The following KAZN variants were observed in gnomAD, a reference collection of about 807,000 sequenced individuals.
KAZN encodes the protein kazrin.
In KAZN, 40 loss-of-function variants were observed where a neutral mutation model predicts 87.4. The ratio of observed to expected loss-of-function variants is 0.46; its 90% CI spans 0.36 to 0.60. The LOEUF (loss-of-function observed/expected upper bound fraction) is 0.60, where lower values mean the gene tolerates loss of function less well. KAZN is among the 20% of genes least tolerant of loss of function. KAZN has a pLI of 0.00. For synonymous variants in KAZN, 466 were observed against 458.3 expected (o/e 1.02, Z -0.22); for missense variants, 898 against 1,073.9 (o/e 0.84, Z 2.29).
intron 1 of KAZN, among the ~76,000 whole-genome samples, chr1:14,152,543 G>A (rs779864092): frequency 5.3e-5 from 8 of 152,156 alleles, no homozygotes; most frequent in Admixed American, 2.0e-4. Context: ...TGGCTAACTC[G>A]TACTCCATTG....
intron 2 of KAZN, among the ~76,000 whole-genome samples, chr1:14,378,019 G>A (rs925440576): frequency 1.3e-5 from 2 of 152,144 alleles, no homozygotes; most frequent in Admixed American, 1.3e-4. Flanking sequence ...CATTGCTGGA[G>A]CCAGAATTTT....
At chr1:14,681,804 C>G (rs1221713565) in intron 1 of KAZN, among the ~76,000 whole-genome samples, 1 of 147,900 alleles carries the variant, frequency 6.8e-6, no homozygotes, top group Non-Finnish European at 1.5e-5. Flanking sequence ...CATTCTCCTG[C>G]CTCAGCATCC....
intron 1 of KAZN, among the ~76,000 whole-genome samples, chr1:14,625,972 G>A (rs1679112949): frequency 6.6e-6 from 1 of 152,216 alleles, no homozygotes; most frequent in Non-Finnish European, 1.5e-5. Flanking sequence ...ACGGGATTCT[G>A]AGGGATATTT....
At chr1:14,292,351 C>T (rs1653772829) in intron 2 of KAZN, among the ~76,000 whole-genome samples, 1 of 152,166 alleles carries the variant, frequency 6.6e-6, no homozygotes. Flanking sequence ...GCTGTGTGGT[C>T]CCCTGGAGGG....
intron 13 of KAZN, among the ~76,000 whole-genome samples, chr1:15,108,408 T>C (rs1641371678): frequency 6.6e-6 from 1 of 152,218 alleles, no homozygotes; most frequent in Non-Finnish European, 1.5e-5. Context: ...TTCTGGCTCC[T>C]CCGCCATCAT....
At chr1:14,624,385 G>A (rs1678941598) in intron 1 of KAZN, among the ~76,000 whole-genome samples, 1 of 150,692 alleles carries the variant, frequency 6.6e-6, no homozygotes, top group African/African-American at 2.5e-5. Flanking sequence ...TCGCGCCACT[G>A]CACTCCAGCC....
At chr1:14,140,719 C>G (rs980838340) in intron 1 of KAZN, among the ~76,000 whole-genome samples, 3 of 152,128 alleles carry the variant, frequency 2.0e-5, no homozygotes, top group South Asian at 2.1e-4. Flanking sequence ...CTGCCTCCCC[C>G]ACGAACCCCG....
At chr1:14,979,096 C>G (rs116687735) in intron 2 of KAZN, among the ~76,000 whole-genome samples, 27,519 of 151,694 alleles carry the variant, frequency 0.18, 2,743 homozygotes, top group African/African-American at 0.24. Flanking sequence ...GTACAGACAG[C>G]GTTCACCATG....
chr1:14,955,294 G>A (rs975345535), intron 1 of KAZN, among the ~76,000 whole-genome samples: 21 of 152,246 alleles, frequency 1.4e-4, no homozygotes, highest in African/African-American at 3.6e-4. Context: ...AGCGCTTTAC[G>A]CATGTCTTAT....
At chr1:14,762,617 C>T (rs957076735) in intron 1 of KAZN, among the ~76,000 whole-genome samples, 4 of 151,740 alleles carry the variant, frequency 2.6e-5, no homozygotes, top group South Asian at 2.1e-4. Context: ...CCCAGCTACT[C>T]GGGAGGCTGA....
At chr1:14,155,375 CA>C (rs1313026325) in intron 1 of KAZN, among the ~76,000 whole-genome samples, 1 of 152,122 alleles carries the variant, frequency 6.6e-6, no homozygotes, top group African/African-American at 2.4e-5. Flanking sequence ...TCAGTTGTAA[CA>C]TCTCCTTTTT....
intron 2 of KAZN, among the ~76,000 whole-genome samples, chr1:14,299,742 G>A (rs1654400484): frequency 1.3e-5 from 2 of 152,182 alleles, no homozygotes; most frequent in African/African-American, 2.4e-5. Flanking sequence ...ATTAGCAGGA[G>A]TTCAAGAAGG....
rs528704176 is a variant in KAZN at position 14,318,043 on chromosome 1, T to C, written c.249+137451T>C. Among the ~76,000 whole-genome samples the C allele has an allele frequency of 1.4e-4, 21 of 152,198 alleles. 1 individual carries two copies. Among genetic ancestry groups the C allele is most frequent in the African/African-American group, 3.8e-4 (16 of 41,580 alleles). On this transcript the variant is annotated intron_variant, in intron 2 of 16. Coordinates refer to the KAZN transcript ENST00000636203. ...TCCATTTTTTGTGCTACTGTTATCA[T>C]AGATTTTGTTTCTGCATATGTTATC...
chr1:14,029,014 G>C, intron 1 of KAZN, among the ~76,000 whole-genome samples: 1 of 151,920 alleles, frequency 6.6e-6, no homozygotes, highest in Non-Finnish European at 1.5e-5. Context: ...GGGTCAAATG[G>C]TATTTCTAAT....
intron 1 of KAZN, among the ~76,000 whole-genome samples, chr1:14,871,330 G>A (rs1652101397): frequency 7.5e-6 from 1 of 133,834 alleles, no homozygotes; most frequent in South Asian, 2.7e-4. Context: ...TGAGGAACAA[G>A]AGTCAAGAGG....
At chr1:14,344,593 A>T (rs1271460801) in intron 2 of KAZN, among the ~76,000 whole-genome samples, 4 of 152,182 alleles carry the variant, frequency 2.6e-5, no homozygotes, top group African/African-American at 9.6e-5. Context: ...AAAAAGGATT[A>T]AAATATATAG....
intron 2 of KAZN, among the ~76,000 whole-genome samples, chr1:14,434,413 T>G (rs1666260961): frequency 6.6e-6 from 1 of 152,192 alleles, no homozygotes; most frequent in African/African-American, 2.4e-5. Flanking sequence ...GGAATTCTCA[T>G]GAAGGACAAA....
At chr1:14,632,733 G>A (rs1197950637) in intron 1 of KAZN, among the ~76,000 whole-genome samples, 1 of 151,948 alleles carries the variant, frequency 6.6e-6, no homozygotes, top group South Asian at 2.1e-4. Context: ...GCAGAAATCC[G>A]CTTGTTTGAT....
chr1:14,458,698 G>T (rs758927253), intron 2 of KAZN, among the ~76,000 whole-genome samples: 1 of 152,098 alleles, frequency 6.6e-6, no homozygotes, highest in Admixed American at 6.6e-5. Flanking sequence ...TGGCGTTCAA[G>T]GGTTCTCATT....
Sources: gnomAD v4.1 joint callset for allele counts (sites outside exome capture counted in the v4.1 genomes callset) on GRCh38, gnomAD v4.1.1 for gene constraint, MANE v1.5 for transcripts, NCBI Gene and HGNC (gene_info 2026-07-23, HGNC 2026-07-21) for gene names.